Variants in AKAP13 observed in about 807,000 individuals in gnomAD.
AKAP13 encodes the protein A-kinase anchoring protein 13, also known as A-kinase anchor protein 13.
A neutral mutation model predicts 264.5 loss-of-function variants in AKAP13; 80 were observed. That is an observed-to-expected ratio of 0.30 (90% confidence interval 0.25 to 0.36). The LOEUF is 0.36. AKAP13 is among the 10% of genes least tolerant of loss of function. AKAP13 has a pLI of 1.00. For missense variants in AKAP13, 3,712 were observed against 3,435.2 expected (o/e 1.08, Z -2.01); for synonymous variants, 1,380 against 1,250.2 (o/e 1.10, Z -2.19).
chr15:85,576,218 T>A (rs1036910723), intron 6 of AKAP13, among the ~76,000 whole-genome samples: 1 of 152,310 alleles, frequency 6.6e-6, no homozygotes, highest in African/African-American at 2.4e-5. Flanking sequence ...TGTCTGTGTT[T>A]GGCTTAACTT....
chr15:85,662,411 T>C (rs539204321), intron 12 of AKAP13: 1 of 1,614,202 alleles, frequency 6.2e-7, no homozygotes, highest in South Asian at 1.1e-5. Context: ...CCCTCTGGTG[T>C]GCAGTACTCT....
In AKAP13 at chr15:85,682,188, A is replaced by G. The variant is rs142686009; in HGVS notation, c.5132A>G (p.Asn1711Ser). The G allele has an allele frequency of 1.1e-3, 1,722 of 1,613,604 alleles. 6 individuals are homozygous for G. Among genetic ancestry groups the G allele is most frequent in the Non-Finnish European group, 1.3e-3 (1,528 of 1,179,956 alleles). Residue 1711 changes from asparagine (N) to serine (S), a missense_variant, in exon 15 of 37, where the codon AAT (asparagine) becomes AGT (serine). By Grantham distance (46) the Asn-to-Ser change is conservative. Transcript: ENST00000394518. ...NSRPFHSTFH[N>S]TSANLTESIT... ...CGGCCCTTCCACAGTACCTTCCACA[A>G]TACCAGTGCTAATCTGACTGAGAGG...
intron 35 of AKAP13, among the ~76,000 whole-genome samples, chr15:85,741,904 G>A (rs1289123849): frequency 6.6e-6 from 1 of 152,024 alleles, no homozygotes; most frequent in Non-Finnish European, 1.5e-5. Flanking sequence ...AATTAGCTGG[G>A]TGTGGTGGCA....
chr15:85,396,524 T>C (rs1405028829), intron 1 of AKAP13, among the ~76,000 whole-genome samples: 1 of 152,234 alleles, frequency 6.6e-6, no homozygotes, highest in East Asian at 1.9e-4. Context: ...ATATAATTCA[T>C]ATACCATAAA....
At chr15:85,626,921 T>G (rs777016275) in intron 8 of AKAP13, among the ~76,000 whole-genome samples, 11 of 152,206 alleles carry the variant, frequency 7.2e-5, no homozygotes, top group Non-Finnish European at 1.6e-4. Context: ...ATTTTCTATC[T>G]TTTTTTGTTT....
At position 85,710,461 on chromosome 15, in the gene AKAP13, T is replaced by C. The variant is rs533958814; in HGVS notation, c.5533-118T>C. On this transcript the variant is annotated intron_variant, in intron 18 of 36. Coordinates refer to ENST00000394518, the MANE Select transcript of AKAP13 (RefSeq NM_007200.5). ...GACCGTGGCTGGGACACAGGGTGCT[T>C]AGGGCAGTGCAAAAAGCAGAGTGGG... 10 of 906,388 alleles carry C rather than the reference T, an allele frequency of 1.1e-5. No homozygotes were observed. The Admixed American group carries it at 2.5e-4, about 23-fold the overall frequency. 56.1% of individuals were successfully genotyped at this position (906,388 alleles called of 1,614,324 possible).
At chr15:85,522,440 A>G (rs1279770986) in intron 3 of AKAP13, among the ~76,000 whole-genome samples, 1 of 152,122 alleles carries the variant, frequency 6.6e-6, no homozygotes, top group Non-Finnish European at 1.5e-5. Flanking sequence ...ACAAATCCCA[A>G]CAAAGTCTGT....
At chr15:85,645,339 G>A (rs917606915) in intron 9 of AKAP13, among the ~76,000 whole-genome samples, 3 of 152,064 alleles carry the variant, frequency 2.0e-5, no homozygotes, top group African/African-American at 7.2e-5. Context: ...CAATTTAAGA[G>A]CTATTTATGG....
intron 2 of AKAP13, among the ~76,000 whole-genome samples, chr15:85,496,725 C>T (rs1200841989): frequency 6.6e-6 from 1 of 152,232 alleles, no homozygotes; most frequent in Non-Finnish European, 1.5e-5. Context: ...TTATCAGCCT[C>T]CTGATCTCTT....
chr15:85,552,191 T>C (rs1302265630), intron 5 of AKAP13, among the ~76,000 whole-genome samples: 1 of 152,240 alleles, frequency 6.6e-6, no homozygotes, highest in Admixed American at 6.5e-5. Context: ...TTTAACCTTA[T>C]AGTAGGAGAA....
intron 3 of AKAP13, among the ~76,000 whole-genome samples, chr15:85,525,377 C>T (rs976509430): frequency 5.3e-5 from 8 of 152,110 alleles, no homozygotes; most frequent in African/African-American, 1.9e-4. Context: ...TAAATGTTTA[C>T]AGTGAGCATG....
At chr15:85,392,611 G>A (rs1004257942) in intron 1 of AKAP13, among the ~76,000 whole-genome samples, 4 of 152,062 alleles carry the variant, frequency 2.6e-5, no homozygotes, top group African/African-American at 7.2e-5. Context: ...TTGCCGTGTT[G>A]CCTAGGCTGG....
At chr15:85,402,586 C>G (rs1160722621) in intron 1 of AKAP13, among the ~76,000 whole-genome samples, 1 of 152,186 alleles carries the variant, frequency 6.6e-6, no homozygotes, top group East Asian at 1.9e-4. Flanking sequence ...TTTTAGCTCT[C>G]CGGGAGCTTG....
chr15:85,642,608 T>G (rs1038693578), intron 9 of AKAP13, among the ~76,000 whole-genome samples: 3 of 152,224 alleles, frequency 2.0e-5, no homozygotes, highest in Non-Finnish European at 2.9e-5. Context: ...ATCTTAGCCC[T>G]TCTTTCTGTA....
At chr15:85,687,630 T>A (rs2085017855) in intron 16 of AKAP13, among the ~76,000 whole-genome samples, 1 of 152,042 alleles carries the variant, frequency 6.6e-6, no homozygotes, top group Non-Finnish European at 1.5e-5. Flanking sequence ...CATTACCAAG[T>A]GTTTAGAGTG....
At chr15:85,688,989 A>G (rs574777134) in intron 16 of AKAP13, among the ~76,000 whole-genome samples, 1 of 152,314 alleles carries the variant, frequency 6.6e-6, no homozygotes, top group Non-Finnish European at 1.5e-5. Context: ...GGAGTGTGGA[A>G]TGACCCTCTT....
Position 85,549,542 on chromosome 15 carries a change from A to T in AKAP13, c.662+5587A>T, listed in dbSNP as rs76544979. On this transcript the variant is annotated intron_variant, in intron 5 of 36. Transcript: ENST00000394518. ...ATTGTTTCATTTCAACCTTATATCA[A>T]CCTCGTGAAATAGGCATTATCTGTG... Among the ~76,000 whole-genome samples the T allele has an allele frequency of 1.6e-4, 25 of 152,342 alleles. No homozygotes were observed. In the East Asian group the frequency reaches 4.6e-3, roughly 28 times the overall value.
intron 8 of AKAP13, among the ~76,000 whole-genome samples, chr15:85,622,766 T>C (rs2081251459): frequency 6.6e-6 from 1 of 152,230 alleles, no homozygotes; most frequent in African/African-American, 2.4e-5. Flanking sequence ...TAATTGATAA[T>C]AGAGTGCAGT....
At chr15:85,587,739 T>C (rs1172846577) in intron 8 of AKAP13, among the ~76,000 whole-genome samples, 1 of 152,150 alleles carries the variant, frequency 6.6e-6, no homozygotes, top group Non-Finnish European at 1.5e-5. Context: ...CTCCACCTCC[T>C]GGGTTGAAGC....
Sources: gnomAD v4.1 joint callset for allele counts (sites outside exome capture counted in the v4.1 genomes callset) on GRCh38, gnomAD v4.1.1 for gene constraint, MANE v1.5 for transcripts, NCBI Gene and HGNC (gene_info 2026-07-23, HGNC 2026-07-21) for gene names.